KANK1: variants seen among roughly 807,000 people sequenced by gnomAD.
The protein encoded by KANK1 is KN motif and ankyrin repeat domain-containing protein 1.
A neutral mutation model predicts 106.2 loss-of-function variants in KANK1; 109 were observed. The ratio of observed to expected loss-of-function variants is 1.03; its 90% CI spans 0.88 to 1.20. The LOEUF (loss-of-function observed/expected upper bound fraction) is 1.20. Ranked by LOEUF, KANK1 falls within the 50% of genes most tolerant of loss-of-function variation. The pLI is 0.00. For missense variants in KANK1, 2,399 were observed against 1,710.7 expected, an observed-to-expected ratio of 1.40 and a Z score of -7.10; for synonymous variants, 873 against 652.2, an observed-to-expected ratio of 1.34 and a Z score of -5.16.
chr9:612,018 G>T (rs923832240), intron 1 of KANK1, among the ~76,000 whole-genome samples: 1 of 152,088 alleles, frequency 6.6e-6, no homozygotes, highest in Non-Finnish European at 1.5e-5. Flanking sequence ...GCGCCCGGCC[G>T]ACCATCTAAC....
At chr9:510,932 A>G (rs2059002766) in intron 1 of KANK1, among the ~76,000 whole-genome samples, 1 of 152,208 alleles carries the variant, frequency 6.6e-6, no homozygotes, top group African/African-American at 2.4e-5. Context: ...AGAATAAGCC[A>G]ATATCACTTA....
At chr9:575,233 T>C (rs910864723) in intron 1 of KANK1, among the ~76,000 whole-genome samples, 1 of 152,244 alleles carries the variant, frequency 6.6e-6, no homozygotes, top group Non-Finnish European at 1.5e-5. Context: ...GTGAGATTTG[T>C]ATAATTTGGA....
chr9:712,177 C>A lies in KANK1; in HGVS notation c.1411C>A (p.Arg471Ser), dbSNP rs17853808. ...TIESLKEKIY[R>S]LEVQLRETTH... ...AGAATCCTTGAAGGAAAAGATCTATCGCCTAGAAGTACAGCTTAGAGAAAC... is the reference window on the plus strand; with the variant it reads ...AGAATCCTTGAAGGAAAAGATCTATAGCCTAGAAGTACAGCTTAGAGAAAC... The change falls in exon 3 of 12, where the codon CGC becomes AGC. Residue 471 changes from arginine to serine, a missense_variant. Transcript: ENST00000382297. The A allele has an allele frequency of 1.2e-6, 2 of 1,614,088 alleles. No individual in the cohort carries two copies. The highest frequency in any genetic ancestry group is 3.3e-4 in the Middle Eastern group (2 of 6,062).
Position 663,309 on chromosome 9 carries a change from C to G in KANK1, c.-83-13581C>G, listed in dbSNP as rs556128951. 7.9e-5 allele frequency among the ~76,000 whole-genome samples: 12 copies of G among 152,178 alleles called. 1 individual carries two copies. In the South Asian group the frequency reaches 8.3e-4, roughly 11 times the overall value. ...GCACTGATGTTTTAGTTGAAACTAC[C>G]AGCAGTAGGAATGCTTGCTCAGTAA... On this transcript the variant is annotated intron_variant, in intron 1 of 11. Coordinates refer to ENST00000382297, the MANE Select transcript of KANK1 (RefSeq NM_015158.5).
chr9:699,050 C>T (rs180829778), intron 2 of KANK1, among the ~76,000 whole-genome samples: 2 of 152,252 alleles, frequency 1.3e-5, no homozygotes, highest in East Asian at 3.9e-4. Flanking sequence ...GCAGGTTTTG[C>T]ATATGCTCTT....
intron 7 of KANK1, chr9:735,704 TA>T: frequency 2.3e-6 from 1 of 431,544 alleles, no homozygotes. Flanking sequence ...TCATAATACC[TA>T]ATACAGGGCC....
intron 3 of KANK1, among the ~76,000 whole-genome samples, chr9:488,602 C>A (rs1045006881): frequency 2.0e-5 from 3 of 152,176 alleles, no homozygotes; most frequent in Non-Finnish European, 4.4e-5. Context: ...CTTCCTGTCT[C>A]ATTCACAGGG....
chr9:696,575 G>T (rs75951221), intron 2 of KANK1, among the ~76,000 whole-genome samples: 1 of 152,078 alleles, frequency 6.6e-6, no homozygotes, highest in Non-Finnish European at 1.5e-5. Context: ...GATAGAATGA[G>T]CAAAGATAGA....
intron 1 of KANK1, among the ~76,000 whole-genome samples, chr9:600,363 A>C (rs1242361596): frequency 1.3e-5 from 2 of 151,864 alleles, no homozygotes; most frequent in Non-Finnish European, 2.9e-5. Context: ...CATGTGTCCA[A>C]ATTTCATTCC....
At chr9:502,193 G>A (rs2058567141), upstream of KANK1, among the ~76,000 whole-genome samples, 1 of 151,716 alleles carries the variant, frequency 6.6e-6, no homozygotes, top group Non-Finnish European at 1.5e-5. Flanking sequence ...TGGGAGTAGG[G>A]AGGAATGGGG....
At chr9:499,155 GCA>G in intron 3 of KANK1, among the ~76,000 whole-genome samples, 1 of 150,652 alleles carries the variant, frequency 6.6e-6, no homozygotes, top group East Asian at 1.9e-4. Flanking sequence ...TCCAACCTGG[GCA>G]ACAGAGCAAG....
At chr9:572,511 C>A (rs561979800) in intron 1 of KANK1, among the ~76,000 whole-genome samples, 1 of 152,072 alleles carries the variant, frequency 6.6e-6, no homozygotes, top group African/African-American at 2.4e-5. Context: ...GAGATCGCTC[C>A]ACTGCACTCC....
chr9:598,628 T>C lies in KANK1; in HGVS notation c.-83-78262T>C, dbSNP rs1288019617. Among the ~76,000 whole-genome samples the C allele has an allele frequency of 7.1e-3, 714 of 99,922 alleles. 20 individuals carry two copies. Among genetic ancestry groups the C allele is most frequent in the African/African-American group, 0.033 (633 of 18,976 alleles). 65.6% of individuals were successfully genotyped at this position (99,922 alleles called of 152,430 possible). A position where few individuals can be genotyped will look rare whatever the true frequency, so the allele number is the denominator to read the frequency against. ...TTTGTTTTGTTGGTTTTCTTTTTTTTTTTTTTTTTTTTTTTTTTTTTTGAG... is the reference window on the plus strand; with the variant it reads ...TTTGTTTTGTTGGTTTTCTTTTTTTCTTTTTTTTTTTTTTTTTTTTTTGAG... On this transcript the variant is annotated intron_variant, in intron 1 of 11. Transcript: ENST00000382297.
At chr9:652,404 T>G (rs1170722016) in intron 1 of KANK1, among the ~76,000 whole-genome samples, 1 of 152,232 alleles carries the variant, frequency 6.6e-6, no homozygotes, top group African/African-American at 2.4e-5. Flanking sequence ...GCACCTGTAA[T>G]CCCAGCTACT....
chr9:695,541 A>T (rs1405929029), intron 2 of KANK1, among the ~76,000 whole-genome samples: 1 of 151,594 alleles, frequency 6.6e-6, no homozygotes, highest in South Asian at 2.1e-4. Flanking sequence ...CCAATGTAGA[A>T]CTCAAGATTT....
Position 712,650 on chromosome 9 carries a change from C to A in KANK1, c.1884C>A (p.Ile628=). The part of the protein sequence containing the change: ...TNLNLKEVRS[I]GCGDCSVDVT... ...TGAATCTCAAAGAAGTGCGGTCTAT[C>A]GGTTGTGGAGATTGTTCTGTTGACG... The change falls in exon 3 of 12, where the codon ATC becomes ATA. Residue 628 remains isoleucine (I), a synonymous_variant. Transcript: ENST00000382297. 1 of 1,614,144 alleles carries A rather than the reference C, an allele frequency of 6.2e-7. No homozygotes were observed. Among genetic ancestry groups the A allele is most frequent in the Non-Finnish European group, 8.5e-7 (1 of 1,180,026 alleles).
chr9:470,815 C>T (rs1461539737), intron 2 of KANK1: 1 of 152,252 alleles, frequency 6.6e-6, no homozygotes, highest in Non-Finnish European at 1.5e-5. Flanking sequence ...GCCTTTCACC[C>T]CCTAGTTTTT....
chr9:671,345 C>G (rs898441450), intron 1 of KANK1, among the ~76,000 whole-genome samples: 1 of 151,778 alleles, frequency 6.6e-6, no homozygotes, highest in African/African-American at 2.4e-5. Flanking sequence ...TCTGTGCAGT[C>G]TAGAAAAGAG....
chr9:478,717 CA>C (rs1388332205), intron 3 of KANK1, among the ~76,000 whole-genome samples: 4 of 152,158 alleles, frequency 2.6e-5, no homozygotes, highest in African/African-American at 9.7e-5. Flanking sequence ...CTCTTTACAC[CA>C]AAACTTCTTC....
Sources: allele counts gnomAD v4.1 joint callset (sites outside exome capture counted in the v4.1 genomes callset), GRCh38; gene constraint gnomAD v4.1.1; transcripts MANE v1.5; gene names NCBI Gene and HGNC (gene_info 2026-07-23, HGNC 2026-07-21).